TSPAN16: variants seen among roughly 807,000 people sequenced by gnomAD.
TSPAN16 encodes the protein tetraspanin 16, also known as tetraspanin-16.
A neutral mutation model predicts 25.2 loss-of-function variants in TSPAN16; 23 were observed. That is an observed-to-expected ratio of 0.91 (90% CI 0.66 to 1.29). The LOEUF is 1.29. Ranked by LOEUF, TSPAN16 falls within the 50% of genes most tolerant of loss-of-function variation. The pLI is 0.00. For missense variants in TSPAN16, 272 were observed against 299.9 expected, an observed-to-expected ratio of 0.91 and a Z score of 0.69; for synonymous variants, 123 against 124.4, an observed-to-expected ratio of 0.99 and a Z score of 0.08.
chr19:11,322,256 A>G (rs1013746665), intron 6 of TSPAN16: 1 of 152,138 alleles, frequency 6.6e-6, no homozygotes, highest in Non-Finnish European at 1.5e-5. Flanking sequence ...CACTGAGACC[A>G]CATTTCACCT....
chr19:11,298,455 G>C, intron 2 of TSPAN16, 116 bp downstream of exon 2: 1 of 958,622 alleles, frequency 1.0e-6, no homozygotes, highest in Non-Finnish European at 1.5e-6. Context: ...TTTTTGCGGG[G>C]ACAGGGTTTC....
rs1337380115 is a variant in TSPAN16, at chr19:11,298,333, CTT to C, written c.262_263del (p.Leu88ValfsTer70). 5.0e-6 allele frequency: 8 copies of C among 1,613,498 alleles called. No homozygotes were observed. Among genetic ancestry groups the C allele is most frequent in the Non-Finnish European group, 6.8e-6 (8 of 1,179,946 alleles). On this transcript the variant is annotated frameshift_variant, in exon 2 of 7. Transcript: ENST00000590327. LOFTEE classifies it high-confidence loss of function. ...GATKESRGTLLFCILSMVIVL... is the reference protein window; with the variant it reads ...GATKESRGTLXFCILSMVIVL... Reference sequence around the variant, plus strand: ...CGACTAAAGAGAGCAGAGGCACGCTCTTGTTTGTAAGTTGGATCTGCACACAG... The same window carrying C: ...CGACTAAAGAGAGCAGAGGCACGCTCGTTTGTAAGTTGGATCTGCACACAG...
downstream of TSPAN16, among the ~76,000 whole-genome samples, chr19:11,318,499 G>A (rs1174557475): frequency 3.9e-5 from 6 of 151,996 alleles, no homozygotes; most frequent in African/African-American, 7.3e-5. Context: ...GGGCTGTGAC[G>A]TGGGTCTGGG....
chr19:11,299,081 A>C lies in TSPAN16; in HGVS notation c.342+135A>C, dbSNP rs1203741214. 4 of 825,476 alleles carry C rather than the reference A, an allele frequency of 4.8e-6. No individual in the cohort carries two copies. The East Asian group carries it at 1.1e-4, about 22-fold the overall frequency. The allele number at this position is 825,476 out of a possible 1,614,324, so 51.1% of individuals were successfully genotyped here. A position where few individuals can be genotyped will look rare whatever the true frequency, so the allele number is the denominator to read the frequency against. ...GATCACCTGAGGTCATGAGTTTGAG[A>C]CCAGCCTGGCCAACATGGTGAAACC... On this transcript the variant is annotated intron_variant, in intron 3 of 6. Transcript: ENST00000590327.
chr19:11,319,625 A>G (rs1230749907), downstream of TSPAN16, among the ~76,000 whole-genome samples: 1 of 151,380 alleles, frequency 6.6e-6, no homozygotes, highest in Non-Finnish European at 1.5e-5. Flanking sequence ...ACAAAACAAA[A>G]CAAAAAAACA....
chr19:11,318,693 C>A (rs2080761474), downstream of TSPAN16, among the ~76,000 whole-genome samples: 1 of 151,964 alleles, frequency 6.6e-6, no homozygotes. Flanking sequence ...GTCGCCCAAG[C>A]TGGAGTGCAG....
At position 11,296,273 on chromosome 19, in the gene TSPAN16, T is replaced by G. The variant is rs757576843; in HGVS notation, c.-25T>G. ...GTTCAGGAAGATGTTAACTTAAATG[T>G]TCAGGGTGCCCCAGTCTGTTCAGCA... On this transcript the variant is annotated 5_prime_UTR_variant, in exon 1 of 7. Coordinates refer to ENST00000590327, the MANE Select transcript of TSPAN16 (RefSeq NM_001282509.2). 34 of 1,612,072 alleles carry G rather than the reference T, an allele frequency of 2.1e-5. No homozygotes were observed. Among genetic ancestry groups the G allele is most frequent in the Non-Finnish European group, 2.9e-5 (34 of 1,178,608 alleles).
In TSPAN16 at chr19:11,325,199, C is replaced by T. The variant is rs977255164; in HGVS notation, c.688-1595C>T. 2.6e-5 allele frequency: 14 copies of T among 543,374 alleles called. No homozygotes were observed. In the East Asian group the frequency reaches 3.4e-4, roughly 13 times the overall value. The allele number at this position is 543,374 out of a possible 1,614,324, so 33.7% of individuals were successfully genotyped here. A position where few individuals can be genotyped will look rare whatever the true frequency, so the allele number is the denominator to read the frequency against. The stretch of plus-strand genomic sequence containing the variant: ...CATGCAGAGCTGAGTCCCCATGGTC[C>T]GCAGCCTCCCACCGGGGCTGCCTGA... On this transcript the variant is annotated intron_variant, in intron 6 of 6. Transcript: ENST00000316737.
rs753654689 is a variant in TSPAN16 at position 11,306,761 on chromosome 19, C to A, written c.603+5C>A. On this transcript the variant is annotated splice_donor_5th_base_variant and intron_variant, in intron 5 of 6. Transcript: ENST00000590327. ...CCAAACGTCATCCACCAGAAGGTAA[C>A]TGGAGATTTTGTGTGTTGCCTTGAC... The A allele has an allele frequency of 6.2e-7, 1 of 1,612,740 alleles. No homozygotes were observed.
At chr19:11,299,140 G>T (rs2080514273) in intron 3 of TSPAN16, among the ~76,000 whole-genome samples, 194 bp downstream of exon 3, 1 of 152,048 alleles carries the variant, frequency 6.6e-6, no homozygotes, top group Non-Finnish European at 1.5e-5. Flanking sequence ...AATTAGCCAG[G>T]CGTGATAGCA....
Position 11,296,381 on chromosome 19 carries a change from A to G in TSPAN16, c.69+15A>G, listed in dbSNP as rs377492576. ...GCTTCGTGGCTGTAAGTATGTCACAATCCAGGCCCCTGGTTTGTTGCAGCC... is the reference window on the plus strand; with the variant it reads ...GCTTCGTGGCTGTAAGTATGTCACAGTCCAGGCCCCTGGTTTGTTGCAGCC... On this transcript the variant is annotated intron_variant, in intron 1 of 6. Coordinates refer to ENST00000590327, the MANE Select transcript of TSPAN16 (RefSeq NM_001282509.2). The G allele has an allele frequency of 6.6e-5, 107 of 1,613,662 alleles. No homozygotes were observed. Among genetic ancestry groups the G allele is most frequent in the Non-Finnish European group, 8.7e-5 (103 of 1,179,690 alleles).
chr19:11,306,785 A>G (rs779379495), intron 5 of TSPAN16, 29 bp downstream of exon 5: 1 of 1,606,104 alleles, frequency 6.2e-7, no homozygotes, highest in South Asian at 1.1e-5. Flanking sequence ...TGTTGCCTTG[A>G]CAGACCCCTG....
rs964305874 is a variant in TSPAN16, at chr19:11,304,715, G to A, written c.451-1889G>A. On this transcript the variant is annotated intron_variant, in intron 4 of 6. Transcript: ENST00000590327. ...AATTTTTTGTATTTTTAGTAGAAACGGGGTTTCACCATGTTAGCCAGGATG... is the reference window on the plus strand; with the variant it reads ...AATTTTTTGTATTTTTAGTAGAAACAGGGTTTCACCATGTTAGCCAGGATG... Among the ~76,000 whole-genome samples, 8 of 151,724 alleles carry A rather than the reference G, an allele frequency of 5.3e-5. No homozygotes were observed. The East Asian group carries it at 5.8e-4, about 11-fold the overall frequency.
chr19:11,316,040 A>C, downstream of TSPAN16: 1 of 936,440 alleles, frequency 1.1e-6, no homozygotes, highest in African/African-American at 1.8e-5. Flanking sequence ...TGAATGAGAG[A>C]CTATGCCCTT....
At chr19:11,309,124 G>A (rs758442534) in intron 5 of TSPAN16, among the ~76,000 whole-genome samples, 2 of 151,740 alleles carry the variant, frequency 1.3e-5, no homozygotes, top group Non-Finnish European at 2.9e-5. Flanking sequence ...CAGGAGGATC[G>A]ATTGAGCCCA....
downstream of TSPAN16, chr19:11,316,118 G>GTGTGTGTGGTT: frequency 9.4e-6 from 1 of 106,066 alleles, no homozygotes. Flanking sequence ...TGTGTGTGTG[G>GTGTGTGTGGTT]TTTTTTTTTT....
chr19:11,312,016 TC>T, intron 5 of TSPAN16, 122 bp from the exon 6 acceptor site: 3 of 696,444 alleles, frequency 4.3e-6, no homozygotes, highest in Non-Finnish European at 5.0e-6. Context: ...CACGGCTCTC[TC>T]CCCGCTTCTC....
At chr19:11,309,324 C>T (rs322148) in intron 5 of TSPAN16, among the ~76,000 whole-genome samples, 64,034 of 152,082 alleles carry the variant, frequency 0.42, 15,402 homozygotes, top group African/African-American at 0.67. Flanking sequence ...GGTTGAGTCC[C>T]AGGCAGGGGC....
intron 3 of TSPAN16, among the ~76,000 whole-genome samples, chr19:11,299,614 C>A (rs1378632443): frequency 6.6e-6 from 1 of 152,216 alleles, no homozygotes; most frequent in Non-Finnish European, 1.5e-5. Context: ...GCAGTCCCAT[C>A]TCTGGGAATT....
Sources: allele counts gnomAD v4.1 joint callset (sites outside exome capture counted in the v4.1 genomes callset), GRCh38; gene constraint gnomAD v4.1.1; transcripts MANE v1.5; gene names NCBI Gene and HGNC (gene_info 2026-07-23, HGNC 2026-07-21).